Variants in CCR5AS observed in about 807,000 individuals in gnomAD.
The protein encoded by CCR5AS is CCR5 antisense RNA.
chr3:46,387,384 C>G (rs1479215238), intron 2 of CCR5AS, among the ~76,000 whole-genome samples: 2 of 152,302 alleles, frequency 1.3e-5, no homozygotes, highest in East Asian at 3.9e-4. Context: ...CAGCACTGTC[C>G]TTTATTGCTA....
intron 2 of CCR5AS, among the ~76,000 whole-genome samples, chr3:46,379,951 C>T (rs918627111): frequency 2.6e-5 from 4 of 151,666 alleles, no homozygotes; most frequent in African/African-American, 7.3e-5. Flanking sequence ...AAATGCACTG[C>T]TTTGCTTTTG....
chr3:46,372,912 CAA>C (rs745912425), intron 2 of CCR5AS: 1 of 1,583,594 alleles, frequency 6.3e-7, no homozygotes, highest in Non-Finnish European at 8.6e-7. Context: ...GATGGATTAT[CAA>C]GTGTCAAGTC....
In CCR5AS at chr3:46,373,313, A is replaced by T. The variant is rs765063799; in HGVS notation, n.392-1896T>A. ...CTGTCGTCCATGCTGTGTTTGCTTT[A>T]AAAGCCAGGACGGTCACCTTTGGGG... On this transcript the variant is annotated intron_variant and non_coding_transcript_variant, in intron 2 of 3. Transcript: ENST00000451485. 3.0e-5 allele frequency: 49 copies of T among 1,614,032 alleles called. No homozygotes were observed. The highest frequency in any genetic ancestry group is 3.7e-5 in the Non-Finnish European group (44 of 1,180,024).
chr3:46,400,319 C>T (rs1202119287), intron 1 of CCR5AS, among the ~76,000 whole-genome samples: 1 of 152,126 alleles, frequency 6.6e-6, no homozygotes, highest in African/African-American at 2.4e-5. Flanking sequence ...CGGAAACACA[C>T]ACTCAAAGAA....
At chr3:46,380,638 G>A (rs1701807142) in intron 2 of CCR5AS, among the ~76,000 whole-genome samples, 1 of 152,204 alleles carries the variant, frequency 6.6e-6, no homozygotes, top group Admixed American at 6.5e-5. Context: ...CTTCCCAGTG[G>A]CACGCCAGCG....
rs538482523 is a variant in CCR5AS, at chr3:46,397,853, C to T, written n.164-4801G>A. Among the ~76,000 whole-genome samples, 4 of 152,352 alleles carry T rather than the reference C, an allele frequency of 2.6e-5. No individual in the cohort carries two copies. The East Asian group carries it at 7.7e-4, about 29-fold the overall frequency. The stretch of plus-strand genomic sequence containing the variant: ...TGAATAAAGGAACCACATTTTACAA[C>T]AAACGGTCATTGAAACGCTACTCAA... On this transcript the variant is annotated intron_variant and non_coding_transcript_variant, in intron 1 of 3. Coordinates refer to ENST00000451485, the Ensembl canonical transcript of CCR5AS.
intron 1 of CCR5AS, among the ~76,000 whole-genome samples, chr3:46,393,774 T>C (rs569457834): frequency 6.6e-6 from 1 of 152,360 alleles, no homozygotes; most frequent in East Asian, 1.9e-4. Context: ...CCAGGCCCCA[T>C]GCTGGGCTAT....
chr3:46,384,713 T>A (rs901241936), intron 2 of CCR5AS, among the ~76,000 whole-genome samples: 7 of 152,142 alleles, frequency 4.6e-5, no homozygotes, highest in Non-Finnish European at 5.9e-5. Flanking sequence ...AGTTAGAAGC[T>A]ACTGAGTGGA....
intron 1 of CCR5AS, among the ~76,000 whole-genome samples, chr3:46,397,255 C>T (rs1022458432): frequency 5.3e-5 from 8 of 152,328 alleles, no homozygotes; most frequent in African/African-American, 9.6e-5. Context: ...TAGTCAGTTC[C>T]GTACCTGAAT....
chr3:46,373,592 G>T, intron 2 of CCR5AS: 1 of 1,613,864 alleles, frequency 6.2e-7, no homozygotes, highest in African/African-American at 1.3e-5. Context: ...AGAAGAAGAG[G>T]CACAGGGCTG....
At chr3:46,391,252 G>A (rs1477242066) in intron 2 of CCR5AS, among the ~76,000 whole-genome samples, 2 of 152,216 alleles carry the variant, frequency 1.3e-5, no homozygotes, top group African/African-American at 4.8e-5. Context: ...CAGTTTAGGT[G>A]TTTTGAAGTT....
At chr3:46,369,440 C>T (rs775594112) in intron 3 of CCR5AS, among the ~76,000 whole-genome samples, 1 of 45,098 alleles carries the variant, frequency 2.2e-5, no homozygotes, top group African/African-American at 1.4e-4. Flanking sequence ...CTATATGGGG[C>T]GGGGGTGGGG....
At chr3:46,397,023 G>A (rs1334307741) in intron 1 of CCR5AS, among the ~76,000 whole-genome samples, 1 of 152,186 alleles carries the variant, frequency 6.6e-6, no homozygotes, top group Non-Finnish European at 1.5e-5. Flanking sequence ...ACAAGTAGGT[G>A]GTCCCTCAAG....
chr3:46,394,177 T>C (rs1232531926), intron 1 of CCR5AS, among the ~76,000 whole-genome samples: 2 of 152,150 alleles, frequency 1.3e-5, no homozygotes, highest in Non-Finnish European at 2.9e-5. Flanking sequence ...TGGCATCTAG[T>C]GGGTGAAGGT....
At chr3:46,386,179 G>C (rs1176774758) in intron 2 of CCR5AS, among the ~76,000 whole-genome samples, 1 of 152,020 alleles carries the variant, frequency 6.6e-6, no homozygotes. Context: ...ACCTTCCAAA[G>C]TGCTAGGATT....
At chr3:46,398,648 C>T (rs1315368652) in intron 1 of CCR5AS, among the ~76,000 whole-genome samples, 4 of 152,200 alleles carry the variant, frequency 2.6e-5, no homozygotes, top group Non-Finnish European at 1.5e-5. Context: ...AGAAACCCTT[C>T]TACCCTCTGT....
At chr3:46,365,376 A>T (rs1389184310) in intron 3 of CCR5AS, among the ~76,000 whole-genome samples, 1 of 152,198 alleles carries the variant, frequency 6.6e-6, no homozygotes, top group African/African-American at 2.4e-5. Flanking sequence ...GGCTCAGATG[A>T]TGGTTAGCAT....
At chr3:46,393,460 C>CA (rs35762544) in intron 1 of CCR5AS, among the ~76,000 whole-genome samples, 18,160 of 102,708 alleles carry the variant, frequency 0.18, 1,681 homozygotes, top group Middle Eastern at 0.24. Flanking sequence ...AACAGAGCCA[C>CA]AAAAAAAAAA....
At chr3:46,370,383 T>C (rs1701645490) in intron 3 of CCR5AS, among the ~76,000 whole-genome samples, 1 of 145,004 alleles carries the variant, frequency 6.9e-6, no homozygotes, top group Admixed American at 7.0e-5. Flanking sequence ...TATTGGGTGG[T>C]GAGCATCTGT....
Sources: gnomAD v4.1 joint callset for allele counts (sites outside exome capture counted in the v4.1 genomes callset) on GRCh38, gnomAD v4.1.1 for gene constraint, MANE v1.5 for transcripts, NCBI Gene and HGNC (gene_info 2026-07-23, HGNC 2026-07-21) for gene names.